Variants in AGTR1 observed in about 807,000 individuals in gnomAD.
AGTR1 encodes type-1 angiotensin II receptor.
In AGTR1, 16 loss-of-function variants were observed where a neutral mutation model predicts 19.4. The observed-to-expected ratio is 0.82, with a 90% CI of 0.56 to 1.25. The LOEUF is 1.25. Among genes scored for constraint, AGTR1 ranks in the 50% most tolerant of loss-of-function variants. The pLI is 0.00. For synonymous variants in AGTR1, 153 were observed against 154.9 expected, an observed-to-expected ratio of 0.99 and a Z score of 0.09; for missense variants, 373 against 431.9, an observed-to-expected ratio of 0.86 and a Z score of 1.21.
At chr3:148,733,949 T>C (rs896403801) in intron 2 of AGTR1, among the ~76,000 whole-genome samples, 13 of 152,204 alleles carry the variant, frequency 8.5e-5, no homozygotes, top group African/African-American at 2.9e-4. Context: ...CGAAGGAAGA[T>C]GTTTAAAGCA....
At chr3:148,719,830 G>A (rs1713522160) in intron 2 of AGTR1, among the ~76,000 whole-genome samples, 1 of 152,220 alleles carries the variant, frequency 6.6e-6, no homozygotes, top group African/African-American at 2.4e-5. Flanking sequence ...GCCACCCAGA[G>A]CAGCAAGCCG....
intron 2 of AGTR1, among the ~76,000 whole-genome samples, chr3:148,709,415 A>T (rs942214292): frequency 6.6e-6 from 1 of 152,154 alleles, no homozygotes; most frequent in African/African-American, 2.4e-5. Flanking sequence ...GGTTTCTAAC[A>T]TTCACACATT....
chr3:148,711,595 G>A (rs1712986770), intron 2 of AGTR1, among the ~76,000 whole-genome samples: 2 of 152,056 alleles, frequency 1.3e-5, no homozygotes, highest in South Asian at 4.2e-4. Context: ...CTTGCTTTAG[G>A]AAACATGTGT....
intron 1 of AGTR1, among the ~76,000 whole-genome samples, chr3:148,700,357 C>G (rs1047023322): frequency 7.9e-5 from 12 of 152,078 alleles, no homozygotes. Context: ...ATTTAAAACT[C>G]ATAGTTTAAA....
chr3:148,706,551 TAAAC>T (rs1447287910), intron 1 of AGTR1, among the ~76,000 whole-genome samples: 2 of 152,122 alleles, frequency 1.3e-5, no homozygotes, highest in East Asian at 3.9e-4. Context: ...AAAAGTACCA[TAAAC>T]AAAGTTATCA....
At chr3:148,708,729 T>C (rs886498289) in intron 2 of AGTR1, among the ~76,000 whole-genome samples, 19 of 152,174 alleles carry the variant, frequency 1.2e-4, no homozygotes, top group African/African-American at 4.6e-4. Flanking sequence ...GTGATATTTT[T>C]CATAACAAGA....
chr3:148,714,979 G>T (rs907540336), intron 2 of AGTR1, among the ~76,000 whole-genome samples: 2 of 152,100 alleles, frequency 1.3e-5, no homozygotes, highest in African/African-American at 4.8e-5. Context: ...ACAAGTCCTA[G>T]GGATACCACT....
At position 148,724,054 on chromosome 3, in the gene AGTR1, A is replaced by AAT. The variant is rs200201398; in HGVS notation, c.-48+16040_-48+16041dup. Among the ~76,000 whole-genome samples, 714 of 151,610 alleles carry AAT rather than the reference A, an allele frequency of 4.7e-3. 5 individuals carry two copies. Among genetic ancestry groups the AAT allele is most frequent in the African/African-American group, 0.016 (654 of 41,376 alleles). Reference sequence around the variant, plus strand: ...TAGGTTCCACAGTGTTGGGTTTTAAAATATATATATATATTAGTTGAAAAC... The same window carrying AAT: ...TAGGTTCCACAGTGTTGGGTTTTAAAATATATATATATATATTAGTTGAAAAC... On this transcript the variant is annotated intron_variant, in intron 2 of 2. Coordinates refer to ENST00000349243, the MANE Select transcript of AGTR1 (RefSeq NM_000685.5).
intron 1 of AGTR1, among the ~76,000 whole-genome samples, chr3:148,701,807 T>A (rs1712361458): frequency 6.6e-6 from 1 of 152,134 alleles, no homozygotes; most frequent in South Asian, 2.1e-4. Flanking sequence ...GAATTAATAA[T>A]CTTTCAGTTT....
intron 1 of AGTR1, among the ~76,000 whole-genome samples, chr3:148,702,887 A>G (rs1240629238): frequency 6.6e-6 from 1 of 152,230 alleles, no homozygotes; most frequent in African/African-American, 2.4e-5. Flanking sequence ...TAAGAAATAA[A>G]TAATTTTTCT....
intron 2 of AGTR1, among the ~76,000 whole-genome samples, chr3:148,726,959 T>C (rs1234306848): frequency 6.6e-6 from 1 of 152,234 alleles, no homozygotes; most frequent in African/African-American, 2.4e-5. Flanking sequence ...TTTCAAACTT[T>C]ATGATGCTTT....
chr3:148,742,768 G>A lies in AGTR1; in HGVS notation c.*653G>A, dbSNP rs1714992747. 1 of 171,536 alleles carries A rather than the reference G, an allele frequency of 5.8e-6. No homozygotes were observed. The highest frequency in any genetic ancestry group is 6.2e-5 in the Admixed American group (1 of 16,072). 10.6% of individuals were successfully genotyped at this position (171,536 alleles called of 1,614,324 possible). A position where few individuals can be genotyped will look rare whatever the true frequency, so the allele number is the denominator to read the frequency against. ...TAAAAGTTAAACTACTTGTAAAGGT[G>A]CTGCACTGGTCCCAAGTAGTAGTGT... On this transcript the variant is annotated 3_prime_UTR_variant, in exon 3 of 3. Coordinates refer to ENST00000349243, the MANE Select transcript of AGTR1 (RefSeq NM_000685.5).
chr3:148,742,109 T>G lies in AGTR1; in HGVS notation c.1074T>G (p.Val358=). 6.2e-7 allele frequency: 1 copy of G among 1,613,958 alleles called. No individual in the cohort carries two copies. Among genetic ancestry groups the G allele is most frequent in the Non-Finnish European group, 8.5e-7 (1 of 1,179,976 alleles). ...AGAAGCCTGCACCATGTTTTGAGGTTGAGTGACATGTTCGAAACCTGTCCA... is the reference window on the plus strand; with the variant it reads ...AGAAGCCTGCACCATGTTTTGAGGTGGAGTGACATGTTCGAAACCTGTCCA... ...STKKPAPCFE[V]E The change falls in exon 3 of 3, where the codon GTT becomes GTG. Residue 358 remains valine (V), a synonymous_variant. Coordinates refer to ENST00000349243, the MANE Select transcript of AGTR1 (RefSeq NM_000685.5).
chr3:148,724,359 G>A (rs1713812584), intron 2 of AGTR1, among the ~76,000 whole-genome samples: 1 of 151,906 alleles, frequency 6.6e-6, no homozygotes, highest in Non-Finnish European at 1.5e-5. Context: ...TGACTTACAA[G>A]GACTCTCTTA....
Position 148,698,076 on chromosome 3 carries a change from G to C in AGTR1, c.-183G>C, listed in dbSNP as rs1003571253. ...CGCCGAGGCGGCGGGCGGGAGACCC[G>C]CACCAGCGCAGCCGGCCCTCGGCGG... On this transcript the variant is annotated 5_prime_UTR_variant, in exon 1 of 3. Coordinates refer to ENST00000349243, the MANE Select transcript of AGTR1 (RefSeq NM_000685.5). 1 of 152,138 alleles carries C rather than the reference G, an allele frequency of 6.6e-6. No homozygotes were observed. The highest frequency in any genetic ancestry group is 2.4e-5 in the African/African-American group (1 of 41,428). The allele number at this position is 152,138 out of a possible 1,614,324, so 9.4% of individuals were successfully genotyped here.
chr3:148,715,238 C>T (rs1030466605), intron 2 of AGTR1, among the ~76,000 whole-genome samples: 2 of 152,216 alleles, frequency 1.3e-5, no homozygotes, highest in South Asian at 4.2e-4. Context: ...CTCATAATCC[C>T]CATGCTTTTT....
At chr3:148,712,463 A>G (rs931334553) in intron 2 of AGTR1, among the ~76,000 whole-genome samples, 7 of 152,250 alleles carry the variant, frequency 4.6e-5, no homozygotes, top group Admixed American at 4.6e-4. Flanking sequence ...CACACAGTAT[A>G]GACACCAGAA....
rs1047885033 is a variant in AGTR1 at position 148,741,103 on chromosome 3, G to A, written c.68G>A (p.Arg23Lys). The A allele has an allele frequency of 6.8e-6, 11 of 1,614,114 alleles. No homozygotes were observed. Among genetic ancestry groups the A allele is most frequent in the Non-Finnish European group, 9.3e-6 (11 of 1,179,998 alleles). ...RIQDDCPKAG[R>K]HNYIFVMIPT... Reference sequence around the variant, plus strand: ...CAAGATGATTGTCCCAAAGCTGGAAGGCATAATTACATATTTGTCATGATT... The same window carrying A: ...CAAGATGATTGTCCCAAAGCTGGAAAGCATAATTACATATTTGTCATGATT... The change falls in exon 3 of 3, where the codon AGG (arginine) becomes AAG (lysine). Residue 23 changes from arginine to lysine, a missense_variant. Coordinates refer to ENST00000349243, the MANE Select transcript of AGTR1 (RefSeq NM_000685.5).
chr3:148,727,063 G>T (rs779712308), intron 2 of AGTR1, among the ~76,000 whole-genome samples: 1 of 152,138 alleles, frequency 6.6e-6, no homozygotes, highest in Non-Finnish European at 1.5e-5. Flanking sequence ...TCCTTACAAA[G>T]CTTTTTCCCA....
Sources: allele counts gnomAD v4.1 joint callset (sites outside exome capture counted in the v4.1 genomes callset), GRCh38; gene constraint gnomAD v4.1.1; transcripts MANE v1.5; gene names NCBI Gene and HGNC (gene_info 2026-07-23, HGNC 2026-07-21).